The following NRXN1 variants were observed in gnomAD, a reference collection of about 807,000 sequenced individuals.
NRXN1 encodes neurexin 1, also known as neurexin-1.
A neutral mutation model predicts 150.9 loss-of-function variants in NRXN1; 39 were observed. The ratio of observed to expected loss-of-function variants is 0.26; its 90% CI spans 0.20 to 0.34. The LOEUF is 0.34. Ranked by LOEUF, NRXN1 falls within the 10% of genes least tolerant of loss-of-function variation. The probability of loss-of-function intolerance (pLI) is 1.00; values close to 1 mark genes in which losing one functional copy is unlikely to be tolerated. For missense variants in NRXN1, 1,815 were observed against 1,949.9 expected (o/e 0.93, Z 1.30); for synonymous variants, 924 against 757.0 (o/e 1.22, Z -3.62).
intron 2 of NRXN1, among the ~76,000 whole-genome samples, chr2:50,928,192 CTG>C (rs954160426): frequency 6.6e-6 from 1 of 151,564 alleles, no homozygotes; most frequent in African/African-American, 2.4e-5. Flanking sequence ...GAAAAGTGGT[CTG>C]TCTCAGAAAA....
chr2:50,451,611 C>A (rs1479640786), intron 17 of NRXN1, among the ~76,000 whole-genome samples: 1 of 152,114 alleles, frequency 6.6e-6, no homozygotes, highest in Non-Finnish European at 1.5e-5. Context: ...TATTAATCTA[C>A]CTTGTATACA....
intron 5 of NRXN1, among the ~76,000 whole-genome samples, chr2:50,915,982 C>G (rs1260934195): frequency 6.8e-6 from 1 of 147,394 alleles, no homozygotes; most frequent in Non-Finnish European, 1.5e-5. Flanking sequence ...GACTATTACC[C>G]ATCAGTTACA....
chr2:50,063,506 C>T (rs1694880483), intron 19 of NRXN1, among the ~76,000 whole-genome samples: 1 of 150,392 alleles, frequency 6.6e-6, no homozygotes, highest in South Asian at 2.1e-4. Context: ...TTGCGAATTT[C>T]TTGCATCCCT....
chr2:50,109,310 T>C lies in NRXN1; in HGVS notation c.3547-17816A>G, dbSNP rs535022288. Among the ~76,000 whole-genome samples, 7 of 152,336 alleles carry C rather than the reference T, an allele frequency of 4.6e-5. No homozygotes were observed. The East Asian group carries it at 1.3e-3, about 29-fold the overall frequency. On this transcript the variant is annotated intron_variant, in intron 18 of 22. Coordinates refer to ENST00000401669, the MANE Select transcript of NRXN1 (RefSeq NM_001330078.2). The stretch of plus-strand genomic sequence containing the variant: ...TTTCCTCATTTAGTTCATCTTTTTC[T>C]AGATCATCCTTTCTGGTTCTGTAAT...
chr2:50,828,221 G>A (rs554754508), intron 5 of NRXN1, among the ~76,000 whole-genome samples: 3 of 150,788 alleles, frequency 2.0e-5, no homozygotes, highest in Admixed American at 6.6e-5. Context: ...CGGGGCGGCC[G>A]GGCAGAGGCA....
rs538359286 is a variant in NRXN1 at position 50,243,313 on chromosome 2, A to T, written c.3365-6343T>A. 1.9e-4 allele frequency among the ~76,000 whole-genome samples: 29 copies of T among 151,934 alleles called. No individual in the cohort carries two copies. The South Asian group carries it at 6.0e-3, about 32-fold the overall frequency. ...TATAACATGTCAATAAAAACAAAAC[A>T]CAATAAATAAATTTGAAAAAAGAGA... On this transcript the variant is annotated intron_variant, in intron 17 of 22. Coordinates refer to ENST00000401669, the MANE Select transcript of NRXN1 (RefSeq NM_001330078.2).
At chr2:50,275,966 T>G (rs2070391044) in intron 17 of NRXN1, among the ~76,000 whole-genome samples, 2 of 140,304 alleles carry the variant, frequency 1.4e-5, no homozygotes, top group Non-Finnish European at 1.5e-5. Flanking sequence ...AATTATCATA[T>G]TATTACCCAT....
chr2:50,096,520 A>G (rs1205824968), intron 18 of NRXN1, among the ~76,000 whole-genome samples: 1 of 152,222 alleles, frequency 6.6e-6, no homozygotes, highest in African/African-American at 2.4e-5. Context: ...TGAATATTGC[A>G]TTAGCAAAAC....
intron 5 of NRXN1, among the ~76,000 whole-genome samples, chr2:50,796,475 C>G (rs922965141): frequency 6.6e-6 from 1 of 152,062 alleles, no homozygotes; most frequent in African/African-American, 2.4e-5. Context: ...TCTACTTCAC[C>G]ACTCCCACCC....
At chr2:50,859,370 TAA>T (rs1418722714) in intron 5 of NRXN1, among the ~76,000 whole-genome samples, 1 of 152,018 alleles carries the variant, frequency 6.6e-6, no homozygotes, top group Non-Finnish European at 1.5e-5. Flanking sequence ...GGAAAATATT[TAA>T]GTGTCAATGT....
Position 50,053,540 on chromosome 2 carries a change from T to G in NRXN1, c.3859A>C (p.Lys1287Gln). Residue 1287 changes from lysine to glutamine, a missense_variant, in exon 21 of 23, where the codon AAA becomes CAA. This residue lies in a region of NRXN1 where 265 missense variants were observed against 307.1 expected (regional missense o/e 0.86). Transcript: ENST00000401669. ...NSQATIIIGGKEQGQPFQGQL... is the reference protein window; with the variant it reads ...NSQATIIIGGQEQGQPFQGQL... ...CCCTGGAAGGGCTGGCCCTGCTCTT[T>G]CCCGCCAATTATTATGGTTGCTTGG... 6.2e-7 allele frequency: 1 copy of G among 1,614,040 alleles called. No homozygotes were observed. The highest frequency in any genetic ancestry group is 8.5e-7 in the Non-Finnish European group (1 of 1,179,934).
At chr2:50,186,251 G>C (rs995319111) in intron 18 of NRXN1, among the ~76,000 whole-genome samples, 1 of 151,950 alleles carries the variant, frequency 6.6e-6, no homozygotes, top group Non-Finnish European at 1.5e-5. Context: ...CAACTAACAA[G>C]GGAATCTTTA....
At chr2:50,667,574 C>T (rs1336824625) in intron 5 of NRXN1, among the ~76,000 whole-genome samples, 2 of 151,884 alleles carry the variant, frequency 1.3e-5, no homozygotes, top group Admixed American at 6.6e-5. Flanking sequence ...AAAGGAAATT[C>T]GTTGGTTCAC....
chr2:50,154,525 C>G (rs1000260053), intron 18 of NRXN1, among the ~76,000 whole-genome samples: 3 of 151,484 alleles, frequency 2.0e-5, no homozygotes, highest in African/African-American at 7.3e-5. Flanking sequence ...AATTGACCAT[C>G]TATTGTTAAA....
At chr2:50,485,478 C>T (rs1004451144) in intron 15 of NRXN1, among the ~76,000 whole-genome samples, 2 of 152,302 alleles carry the variant, frequency 1.3e-5, no homozygotes, top group African/African-American at 2.4e-5. Context: ...GCTTGCTTTG[C>T]GTTCCCGACC....
chr2:50,303,124 C>G (rs1193774396), intron 17 of NRXN1, among the ~76,000 whole-genome samples: 1 of 152,160 alleles, frequency 6.6e-6, no homozygotes, highest in African/African-American at 2.4e-5. Context: ...TCATCTGGAT[C>G]TCATTGGAGT....
At chr2:50,238,331 A>G in intron 17 of NRXN1, among the ~76,000 whole-genome samples, 1 of 151,992 alleles carries the variant, frequency 6.6e-6, no homozygotes, top group East Asian at 1.9e-4. Flanking sequence ...TCTTGTTCTC[A>G]TGCCTTCAAA....
chr2:50,160,032 A>C (rs909691159), intron 18 of NRXN1, among the ~76,000 whole-genome samples: 2 of 152,150 alleles, frequency 1.3e-5, no homozygotes, highest in Admixed American at 6.6e-5. Flanking sequence ...GGAAGTATGC[A>C]GGGCTTGGGA....
intron 5 of NRXN1, among the ~76,000 whole-genome samples, chr2:50,634,447 G>A (rs928426491): frequency 3.9e-5 from 6 of 152,126 alleles, no homozygotes; most frequent in Non-Finnish European, 8.8e-5. Context: ...TAGGGTAGTT[G>A]TAAGGATTAA....
Sources: allele counts gnomAD v4.1 joint callset (sites outside exome capture counted in the v4.1 genomes callset), GRCh38; gene constraint gnomAD v4.1.1; regional missense constraint gnomAD v4.1.1; transcripts MANE v1.5; gene names NCBI Gene and HGNC (gene_info 2026-07-23, HGNC 2026-07-21).